Variants in KHDRBS2 observed in about 807,000 individuals in gnomAD.
KHDRBS2 encodes KH domain-containing, RNA-binding, signal transduction-associated protein 2.
A neutral mutation model predicts 44.3 loss-of-function variants in KHDRBS2; 26 were observed. That is an observed-to-expected ratio of 0.59 (90% CI 0.43 to 0.81). KHDRBS2 has a LOEUF of 0.81. KHDRBS2 is among the 40% of genes least tolerant of loss of function. The pLI is 0.00. For synonymous variants in KHDRBS2, 194 were observed against 151.1 expected (o/e 1.28, Z -2.08); for missense variants, 476 against 433.1 (o/e 1.10, Z -0.88).
chr6:61,935,220 G>A lies in KHDRBS2; in HGVS notation c.484-33849C>T, dbSNP rs368727591. 1.6e-4 allele frequency among the ~76,000 whole-genome samples: 25 copies of A among 152,306 alleles called. No homozygotes were observed. The East Asian group carries it at 4.2e-3, about 26-fold the overall frequency. On this transcript the variant is annotated intron_variant, in intron 4 of 8. Coordinates refer to ENST00000281156, the MANE Select transcript of KHDRBS2 (RefSeq NM_152688.4). ...GCATGAGGTAGTAAATGTTCCCTAA[G>A]AGATAGCATCCCTGGAATGTAGGAA...
In KHDRBS2 at chr6:61,712,921, A is replaced by G. The variant is rs74875541; in HGVS notation, c.894-15668T>C. ...ACAATTATTTATCCTCAAATTCCAA[A>G]TCCAAAAGCTATAAAACCAAAAGTT... On this transcript the variant is annotated intron_variant, in intron 7 of 8. Transcript: ENST00000281156. Among the ~76,000 whole-genome samples, 580 of 151,834 alleles carry G rather than the reference A, an allele frequency of 3.8e-3. 4 individuals are homozygous for G. The highest frequency in any genetic ancestry group is 0.014 in the Middle Eastern group (4 of 294).
chr6:61,945,150 T>TACAC (rs1554284675), intron 4 of KHDRBS2, among the ~76,000 whole-genome samples: 2,520 of 86,996 alleles, frequency 0.029, 165 homozygotes, highest in Non-Finnish European at 0.038. Flanking sequence ...TATATATATA[T>TACAC]ACACACAGAC....
rs1439236595 is a variant in KHDRBS2, at chr6:61,930,546, G to GAAAAAAAAAAAAAAAAAA, written c.484-29193_484-29176dup. 1.9e-4 allele frequency among the ~76,000 whole-genome samples: 9 copies of GAAAAAAAAAAAAAAAAAA among 47,570 alleles called. 1 individual carries two copies. Among genetic ancestry groups the GAAAAAAAAAAAAAAAAAA allele is most frequent in the Admixed American group, 7.7e-4 (2 of 2,588 alleles). 31.2% of individuals were successfully genotyped at this position (47,570 alleles called of 152,430 possible). On this transcript the variant is annotated intron_variant, in intron 4 of 8. Coordinates refer to ENST00000281156, the MANE Select transcript of KHDRBS2 (RefSeq NM_152688.4). ...CCTAAAAAAAAAAAAAAAAAAAAAA[G>GAAAAAAAAAAAAAAAAAA]AAAAAAAAAAAAAAAAAAAAAGGCT... is the stretch of plus-strand genomic sequence containing the variant.
At chr6:61,925,496 G>C (rs1284199659) in intron 4 of KHDRBS2, among the ~76,000 whole-genome samples, 4 of 152,036 alleles carry the variant, frequency 2.6e-5, no homozygotes, top group African/African-American at 4.8e-5. Flanking sequence ...TGGGAGAATT[G>C]CTTGAGCCCA....
At chr6:61,789,238 T>C (rs1346882332) in intron 6 of KHDRBS2, among the ~76,000 whole-genome samples, 2 of 151,408 alleles carry the variant, frequency 1.3e-5, no homozygotes, top group Non-Finnish European at 1.5e-5. Flanking sequence ...CAGCATTTAA[T>C]AGACATTAGC....
intron 6 of KHDRBS2, among the ~76,000 whole-genome samples, chr6:61,776,492 C>A (rs1389539673): frequency 2.0e-5 from 3 of 152,208 alleles, no homozygotes; most frequent in African/African-American, 7.2e-5. Flanking sequence ...TGAACAGACA[C>A]TTCTCAAAAG....
At chr6:61,637,786 G>T in the KHDRBS2 span, among the ~76,000 whole-genome samples, 1 of 152,126 alleles carries the variant, frequency 6.6e-6, no homozygotes, top group African/African-American at 2.4e-5. Flanking sequence ...GATGGCCAGT[G>T]ATGGTGAGCA....
chr6:61,655,225 T>TACATAC, the KHDRBS2 span, among the ~76,000 whole-genome samples: 2 of 145,192 alleles, frequency 1.4e-5, no homozygotes, highest in African/African-American at 2.6e-5. Context: ...CATACATACA[T>TACATAC]ACACACACAC....
chr6:61,771,563 A>T (rs545464895), intron 6 of KHDRBS2, among the ~76,000 whole-genome samples: 1 of 152,312 alleles, frequency 6.6e-6, no homozygotes, highest in Admixed American at 6.5e-5. Context: ...CAGACTTTAA[A>T]CCACCAAAGA....
chr6:61,648,721 CAAA>C, the KHDRBS2 span, among the ~76,000 whole-genome samples: 1 of 152,116 alleles, frequency 6.6e-6, no homozygotes, highest in African/African-American at 2.4e-5. Flanking sequence ...AGTTTTATCT[CAAA>C]GAAGCCAACG....
chr6:62,119,417 C>T (rs1486805176), intron 2 of KHDRBS2, among the ~76,000 whole-genome samples: 3 of 152,120 alleles, frequency 2.0e-5, no homozygotes, highest in Admixed American at 1.3e-4. Flanking sequence ...ACAAACTAAG[C>T]CTCACATCTA....
At chr6:61,961,487 C>G (rs1238032637) in intron 4 of KHDRBS2, among the ~76,000 whole-genome samples, 1 of 151,650 alleles carries the variant, frequency 6.6e-6, no homozygotes, top group African/African-American at 2.4e-5. Context: ...AGGAAAGAGA[C>G]AGTACTACAG....
At chr6:61,608,214 C>T in the KHDRBS2 span, among the ~76,000 whole-genome samples, 2 of 151,826 alleles carry the variant, frequency 1.3e-5, no homozygotes, top group African/African-American at 4.8e-5. Flanking sequence ...CTATATCAGT[C>T]TAACATTTCT....
chr6:61,766,812 C>T (rs969914940), intron 6 of KHDRBS2, among the ~76,000 whole-genome samples: 9 of 151,906 alleles, frequency 5.9e-5, no homozygotes, highest in Admixed American at 1.3e-4. Context: ...TATTACATTG[C>T]GGTCAGAGAT....
chr6:61,551,351 C>A, the KHDRBS2 span, among the ~76,000 whole-genome samples: 3 of 152,086 alleles, frequency 2.0e-5, no homozygotes, highest in East Asian at 5.8e-4. Flanking sequence ...TTCTGCTGTA[C>A]AGAAGCTCTT....
chr6:62,265,458 T>C (rs567057592), intron 1 of KHDRBS2, among the ~76,000 whole-genome samples: 259 of 151,994 alleles, frequency 1.7e-3, no homozygotes, highest in Admixed American at 3.0e-3. Flanking sequence ...ATTTGAGACA[T>C]ATCATTAGTA....
intron 4 of KHDRBS2, among the ~76,000 whole-genome samples, chr6:61,953,761 C>A (rs564758134): frequency 6.6e-6 from 1 of 152,106 alleles, no homozygotes; most frequent in Non-Finnish European, 1.5e-5. Context: ...AGTGCCACGA[C>A]CTCTCTGCCT....
intron 4 of KHDRBS2, 53 bp downstream of exon 4, chr6:61,978,013 T>C (rs1365877502): frequency 1.6e-5 from 24 of 1,466,544 alleles, no homozygotes; most frequent in Non-Finnish European, 2.0e-5. Flanking sequence ...AAAGGTGCAT[T>C]TTAAAATAGA....
At chr6:61,883,570 G>A (rs1800509055) in intron 6 of KHDRBS2, among the ~76,000 whole-genome samples, 1 of 151,928 alleles carries the variant, frequency 6.6e-6, no homozygotes, top group Admixed American at 6.6e-5. Context: ...GAAGAAGGAT[G>A]GCTTATTCAA....
Sources: gnomAD v4.1 joint callset for allele counts (sites outside exome capture counted in the v4.1 genomes callset) on GRCh38, gnomAD v4.1.1 for gene constraint, MANE v1.5 for transcripts, NCBI Gene and HGNC (gene_info 2026-07-23, HGNC 2026-07-21) for gene names.